The following KIAA0930 variants were observed in gnomAD, a reference collection of about 807,000 sequenced individuals.
KIAA0930 encodes KIAA0930, also known as uncharacterized protein KIAA0930.
Under a neutral mutation model 43.9 loss-of-function variants are expected in KIAA0930, and 24 were observed. The ratio of observed to expected loss-of-function variants is 0.55; its 90% CI spans 0.40 to 0.77. The LOEUF (loss-of-function observed/expected upper bound fraction) is 0.77, where lower values mean the gene tolerates loss of function less well. Ranked by LOEUF, KIAA0930 falls within the 30% of genes least tolerant of loss-of-function variation. The pLI is 0.00. For missense variants in KIAA0930, 461 were observed against 574.2 expected (o/e 0.80, Z 2.02); for synonymous variants, 259 against 216.4 (o/e 1.20, Z -1.73).
intron 1 of KIAA0930, chr22:45,226,367 A>T (rs1440081735): frequency 2.1e-6 from 1 of 470,486 alleles, no homozygotes. Context: ...GCTCTGCCCC[A>T]GGCGCTGCAT....
In KIAA0930 at chr22:45,196,947, G is replaced by T; in HGVS notation, c.*229C>A. ...TCTCCAGAGATGGGTGGGGGGCGAT[G>T]GGCGGGGGGCACAGGGCGGAGCAGC... On this transcript the variant is annotated 3_prime_UTR_variant, in exon 10 of 10. Transcript: ENST00000336156. This position sits in a 1 kb window ranked among gnomAD's most constrained non-coding sequence, Gnocchi z 4.1. 2.0e-6 allele frequency: 1 copy of T among 499,732 alleles called. No homozygotes were observed. The highest frequency in any genetic ancestry group is 3.5e-6 in the Non-Finnish European group (1 of 283,244). The allele number at this position is 499,732 out of a possible 1,614,324, so 31.0% of individuals were successfully genotyped here.
chr22:45,201,171 A>G (rs1197786583), intron 7 of KIAA0930, among the ~76,000 whole-genome samples: 4 of 152,240 alleles, frequency 2.6e-5, no homozygotes, highest in Non-Finnish European at 2.9e-5. Flanking sequence ...GGTTTTTAAA[A>G]GATAAAAGAA....
chr22:45,219,371 G>A lies in KIAA0930; in HGVS notation c.65-7264C>T, dbSNP rs200870947. Among the ~76,000 whole-genome samples, 4 of 152,168 alleles carry A rather than the reference G, an allele frequency of 2.6e-5. No individual in the cohort carries two copies. The South Asian group carries it at 6.2e-4, about 24-fold the overall frequency. ...CACTAACCAGACCCTGGGAATAATC[G>A]CGAATTACTTTAGGAGGCATTCCTT... On this transcript the variant is annotated intron_variant, in intron 1 of 9. Coordinates refer to ENST00000336156, the MANE Select transcript of KIAA0930 (RefSeq NM_001009880.2).
At chr22:45,226,528 C>A (rs922409392) in intron 1 of KIAA0930, 20 of 332,058 alleles carry the variant, frequency 6.0e-5, no homozygotes, top group Non-Finnish European at 6.1e-6. Context: ...CTGTGACCAC[C>A]GCACCTGCTG....
rs62231116 is a variant in KIAA0930, at chr22:45,234,103, C to G, written c.64+6537G>C. 5.5e-3 allele frequency among the ~76,000 whole-genome samples: 844 copies of G among 152,342 alleles called. 8 individuals are homozygous for G. The highest frequency in any genetic ancestry group is 5.7e-3 in the Non-Finnish European group (388 of 68,040). ...GAATTCTGAGACCCGGGGGCCTTGG[C>G]AGAGGCCGGGCACATGTACTGACCC... On this transcript the variant is annotated intron_variant, in intron 1 of 9. Transcript: ENST00000336156.
intron 1 of KIAA0930, chr22:45,236,144 C>T (rs903588614): frequency 6.6e-5 from 10 of 152,340 alleles, no homozygotes; most frequent in African/African-American, 2.2e-4. Flanking sequence ...TACATCCCTC[C>T]CCACGCTGAA....
intron 1 of KIAA0930, among the ~76,000 whole-genome samples, chr22:45,220,813 T>C (rs2083763087): frequency 6.6e-6 from 1 of 152,160 alleles, no homozygotes; most frequent in African/African-American, 2.4e-5. Context: ...ACTCCTGGGC[T>C]CAAGCGATCC....
chr22:45,225,210 GCAGAGCCTCTCC>G (rs1304526227), intron 1 of KIAA0930, among the ~76,000 whole-genome samples: 14 of 152,014 alleles, frequency 9.2e-5, no homozygotes, highest in South Asian at 8.3e-4. Context: ...CTCGTGCCTC[GCAGAGCCTCTCC>G]CAGAGCCTCT....
rs1430588159 is a variant in KIAA0930, at chr22:45,197,014, T to C, written c.*162A>G. 1 of 587,174 alleles carries C rather than the reference T, an allele frequency of 1.7e-6. No individual in the cohort carries two copies. Among genetic ancestry groups the C allele is most frequent in the Non-Finnish European group, 3.0e-6 (1 of 338,864 alleles). The allele number at this position is 587,174 out of a possible 1,614,324, so 36.4% of individuals were successfully genotyped here. On this transcript the variant is annotated 3_prime_UTR_variant, in exon 10 of 10. Coordinates refer to ENST00000336156, the MANE Select transcript of KIAA0930 (RefSeq NM_001009880.2). ...AGAGGCACTTCAGTTTGGGCTGGTG[T>C]TCGTGGAGTCGGCCCCGGCCCCGGG...
At chr22:45,204,056 C>G in intron 5 of KIAA0930, 71 bp from the exon 6 acceptor site, 1 of 1,597,190 alleles carries the variant, frequency 6.3e-7, no homozygotes, top group South Asian at 1.1e-5. Context: ...CCTGGCCCAA[C>G]TGGCAGGGAG....
chr22:45,203,269 G>A (rs1399929860), intron 6 of KIAA0930, 85 bp from the exon 7 acceptor site: 18 of 1,381,904 alleles, frequency 1.3e-5, no homozygotes, highest in East Asian at 2.4e-5. Flanking sequence ...CAGCCAGGGC[G>A]ACCATCCCTC....
rs2083514538 is a variant in KIAA0930, at chr22:45,194,067, T to TTTTTTTTTTG, written c.*3108_*3109insCAAAAAAAAA. On this transcript the variant is annotated 3_prime_UTR_variant, in exon 10 of 10. Transcript: ENST00000336156. Reference sequence around the variant, plus strand: ...ACCAATGTATCTTTTTTTTTTTTTTTTTTTTTTTTTTTTTTTTTTTTTTTG... The same window carrying TTTTTTTTTTG: ...ACCAATGTATCTTTTTTTTTTTTTTTTTTTTTTTTGTTTTTTTTTTTTTTTTTTTTTTTTG... 1 of 103,304 alleles carries TTTTTTTTTTG rather than the reference T, an allele frequency of 9.7e-6. No individual in the cohort carries two copies. The highest frequency in any genetic ancestry group is 3.3e-4 in the East Asian group (1 of 3,036). The allele number at this position is 103,304 out of a possible 1,614,324, so 6.4% of individuals were successfully genotyped here.
At position 45,224,947 on chromosome 22, in the gene KIAA0930, C is replaced by T. The variant is rs555714064; in HGVS notation, c.65-12840G>A. Reference sequence around the variant, plus strand: ...GGGAGGGGGCTGAGAAGGCGTCTGCCGTGGGGTGGCCTGCAGATGCTGGGT... The same window carrying T: ...GGGAGGGGGCTGAGAAGGCGTCTGCTGTGGGGTGGCCTGCAGATGCTGGGT... On this transcript the variant is annotated intron_variant, in intron 1 of 9. Coordinates refer to ENST00000336156, the MANE Select transcript of KIAA0930 (RefSeq NM_001009880.2). Among the ~76,000 whole-genome samples, 4 of 152,054 alleles carry T rather than the reference C, an allele frequency of 2.6e-5. No individual in the cohort carries two copies. The South Asian group carries it at 6.2e-4, about 24-fold the overall frequency.
At chr22:45,233,691 T>C (rs9615075) in intron 1 of KIAA0930, among the ~76,000 whole-genome samples, 6,987 of 152,126 alleles carry the variant, frequency 0.046, 227 homozygotes, top group Admixed American at 0.091. Flanking sequence ...GTTTGGGTGA[T>C]AGGCAGTGAG....
chr22:45,224,669 C>G (rs937064325), intron 1 of KIAA0930, among the ~76,000 whole-genome samples: 1 of 152,112 alleles, frequency 6.6e-6, no homozygotes, highest in Non-Finnish European at 1.5e-5. Context: ...GTGGCAGGCA[C>G]CAGTAGAAGG....
Position 45,203,965 on chromosome 22 carries a change from T to C in KIAA0930, c.537A>G (p.Val179=). ...SFEEVFSDMT[V]GEGEMVCVEL... ...CCACACAGACCATCTCTCCTTCCCCTACGGTCATGTCGCTGAACACCTGGG... is the reference window on the plus strand; with the variant it reads ...CCACACAGACCATCTCTCCTTCCCCCACGGTCATGTCGCTGAACACCTGGG... The change falls in exon 6 of 10, where the codon GTA becomes GTG. Residue 179 remains valine, a synonymous_variant. Transcript: ENST00000336156. The C allele has an allele frequency of 1.2e-6, 2 of 1,613,988 alleles. No homozygotes were observed. Among genetic ancestry groups the C allele is most frequent in the South Asian group, 1.1e-5 (1 of 91,078 alleles).
chr22:45,230,257 G>C (rs998003264), intron 1 of KIAA0930, among the ~76,000 whole-genome samples: 3 of 152,152 alleles, frequency 2.0e-5, no homozygotes, highest in Admixed American at 6.5e-5. Flanking sequence ...GTCACGTCTT[G>C]GTCAGGCTGA....
chr22:45,217,403 CAT>C (rs1352629387), intron 1 of KIAA0930, among the ~76,000 whole-genome samples: 1 of 133,506 alleles, frequency 7.5e-6, no homozygotes, highest in Non-Finnish European at 1.6e-5. Flanking sequence ...CCATATTTAA[CAT>C]ATAGTTCATT....
chr22:45,201,679 C>T (rs1020840534), intron 7 of KIAA0930, among the ~76,000 whole-genome samples: 2 of 152,128 alleles, frequency 1.3e-5, no homozygotes, highest in African/African-American at 4.8e-5. Flanking sequence ...GAATTCTCAC[C>T]CATCTTTGCA....
Sources: allele counts gnomAD v4.1 joint callset (sites outside exome capture counted in the v4.1 genomes callset), GRCh38; gene constraint gnomAD v4.1.1; non-coding constraint Gnocchi (gnomAD v3.1); transcripts MANE v1.5; gene names NCBI Gene and HGNC (gene_info 2026-07-23, HGNC 2026-07-21).